Variants in PHACTR1 observed in about 807,000 individuals in gnomAD.
PHACTR1 encodes phosphatase and actin regulator 1, also known as RPEL repeat containing 1.
In PHACTR1, 16 loss-of-function variants were observed where a neutral mutation model predicts 69.2. The ratio of observed to expected loss-of-function variants is 0.23; its 90% CI spans 0.16 to 0.35. The LOEUF (loss-of-function observed/expected upper bound fraction) is 0.35. PHACTR1 is among the 10% of genes least tolerant of loss of function. The pLI is 1.00. For synonymous variants in PHACTR1, 312 were observed against 284.5 expected (o/e 1.10, Z -0.97); for missense variants, 510 against 734.7 (o/e 0.69, Z 3.54).
intron 4 of PHACTR1, among the ~76,000 whole-genome samples, chr6:13,014,883 G>C (rs1453791912): frequency 6.6e-6 from 1 of 152,242 alleles, no homozygotes; most frequent in Non-Finnish European, 1.5e-5. Context: ...CCGCCGGCGC[G>C]GACCAGGCAG....
At chr6:12,891,607 G>A (rs1444816983) in intron 4 of PHACTR1, among the ~76,000 whole-genome samples, 10 of 152,132 alleles carry the variant, frequency 6.6e-5, no homozygotes, top group Non-Finnish European at 1.2e-4. Context: ...AAGCCTTTAT[G>A]ATCCCCCTCC....
intron 4 of PHACTR1, among the ~76,000 whole-genome samples, chr6:12,759,122 CA>C (rs1229879368): frequency 0.13 from 6,717 of 51,614 alleles, 67 homozygotes; most frequent in African/African-American, 0.15. Context: ...GACTCCACCT[CA>C]AAAAAAAAAA....
chr6:12,948,981 G>T (rs560802246), intron 4 of PHACTR1, among the ~76,000 whole-genome samples: 1 of 152,220 alleles, frequency 6.6e-6, no homozygotes, highest in East Asian at 1.9e-4. Flanking sequence ...CAAAGAAATA[G>T]AAAAATGGGC....
intron 5 of PHACTR1, among the ~76,000 whole-genome samples, chr6:13,149,146 A>T (rs986136214): frequency 6.6e-6 from 1 of 152,100 alleles, no homozygotes; most frequent in South Asian, 2.1e-4. Flanking sequence ...GCCTTTTTAC[A>T]ACAGAACACC....
At chr6:13,116,912 G>A (rs909463443) in intron 5 of PHACTR1, among the ~76,000 whole-genome samples, 4 of 152,200 alleles carry the variant, frequency 2.6e-5, no homozygotes, top group African/African-American at 9.6e-5. Flanking sequence ...GACACTGCTA[G>A]TAGGTGGTAA....
intron 3 of PHACTR1, among the ~76,000 whole-genome samples, chr6:12,741,761 C>T (rs1202374045): frequency 8.9e-5 from 7 of 78,258 alleles, no homozygotes; most frequent in Non-Finnish European, 2.0e-4. Flanking sequence ...ATCTGCTTGT[C>T]AAACTCCAAA....
At chr6:12,834,782 A>G (rs533501253) in intron 4 of PHACTR1, among the ~76,000 whole-genome samples, 1 of 152,160 alleles carries the variant, frequency 6.6e-6, no homozygotes, top group Non-Finnish European at 1.5e-5. Flanking sequence ...TGTCTTCAGA[A>G]CACCATACAA....
In PHACTR1 at chr6:12,733,349, A is replaced by G. The variant is rs114483491; in HGVS notation, c.103+14502A>G. Among the ~76,000 whole-genome samples the G allele has an allele frequency of 4.7e-3, 722 of 152,316 alleles. 8 individuals are homozygous for G. The highest frequency in any genetic ancestry group is 0.017 in the African/African-American group (687 of 41,554). On this transcript the variant is annotated intron_variant, in intron 3 of 14. Transcript: ENST00000332995. ...CTAACATATAACAGAAACTATGCAT[A>G]TTTGTTTCATTTGAAACTACAAACC...
At chr6:12,859,926 C>T (rs147600559) in intron 4 of PHACTR1, among the ~76,000 whole-genome samples, 1 of 152,170 alleles carries the variant, frequency 6.6e-6, no homozygotes, top group Non-Finnish European at 1.5e-5. Flanking sequence ...GGCACCAACC[C>T]CACTAAGGTA....
chr6:12,768,336 A>T (rs963028281), intron 4 of PHACTR1, among the ~76,000 whole-genome samples: 1 of 151,964 alleles, frequency 6.6e-6, no homozygotes, highest in Non-Finnish European at 1.5e-5. Flanking sequence ...GGATGCTCTC[A>T]ATCTCCTGAC....
At chr6:13,176,169 T>C (rs1761292878) in intron 6 of PHACTR1, among the ~76,000 whole-genome samples, 1 of 152,206 alleles carries the variant, frequency 6.6e-6, no homozygotes, top group South Asian at 2.1e-4. Flanking sequence ...CAGCATGCAA[T>C]TTTTTTGTAT....
intron 4 of PHACTR1, among the ~76,000 whole-genome samples, chr6:12,926,986 A>G (rs779087000): frequency 4.6e-5 from 7 of 152,188 alleles, no homozygotes; most frequent in African/African-American, 7.2e-5. Flanking sequence ...AATCTAGTCA[A>G]TTGCTTAGGA....
At chr6:12,757,556 G>T (rs939075045) in intron 4 of PHACTR1, among the ~76,000 whole-genome samples, 1 of 152,114 alleles carries the variant, frequency 6.6e-6, no homozygotes, top group African/African-American at 2.4e-5. Flanking sequence ...GGCTATGAAC[G>T]GTGGTGGCTC....
Position 13,164,210 on chromosome 6 carries a change from A to G in PHACTR1, c.496+3926A>G, listed in dbSNP as rs77661214. Among the ~76,000 whole-genome samples, 335 of 152,188 alleles carry G rather than the reference A, an allele frequency of 2.2e-3. 5 individuals are homozygous for G. The East Asian group carries it at 0.041, about 19-fold the overall frequency. On this transcript the variant is annotated intron_variant, in intron 6 of 14. Transcript: ENST00000332995. The stretch of plus-strand genomic sequence containing the variant: ...TCATTTGTTCTTCCCTTTCTATAAT[A>G]TCATTCTTTTTCCTGTATCTGAGAT...
intron 6 of PHACTR1, among the ~76,000 whole-genome samples, chr6:13,164,753 G>T (rs1490665211): frequency 6.6e-6 from 1 of 152,196 alleles, no homozygotes; most frequent in Middle Eastern, 3.2e-3. Flanking sequence ...AAATTAATGA[G>T]GTTTTATTAC....
At chr6:12,879,807 T>G (rs1782903611) in intron 4 of PHACTR1, among the ~76,000 whole-genome samples, 2 of 152,206 alleles carry the variant, frequency 1.3e-5, no homozygotes, top group African/African-American at 2.4e-5. Flanking sequence ...CTTCATAACC[T>G]TTACTTCTCT....
chr6:12,856,615 G>A (rs1245280533), intron 4 of PHACTR1, among the ~76,000 whole-genome samples: 1 of 152,202 alleles, frequency 6.6e-6, no homozygotes, highest in Non-Finnish European at 1.5e-5. Flanking sequence ...GCAAATCTAT[G>A]ATCAACCAAA....
chr6:13,092,253 AGACCAGTC>A (rs1439223503), intron 5 of PHACTR1, among the ~76,000 whole-genome samples: 3 of 152,232 alleles, frequency 2.0e-5, no homozygotes, highest in Non-Finnish European at 4.4e-5. Context: ...AACAGGCCAC[AGACCAGTC>A]CTGGGGCCTG....
chr6:12,882,624 T>TAA (rs992671411), intron 4 of PHACTR1, among the ~76,000 whole-genome samples: 3 of 152,060 alleles, frequency 2.0e-5, no homozygotes, highest in Non-Finnish European at 1.5e-5. Flanking sequence ...GTTAAAATTT[T>TAA]AAAAAGTAAA....
Sources: gnomAD v4.1 joint callset for allele counts (sites outside exome capture counted in the v4.1 genomes callset) on GRCh38, gnomAD v4.1.1 for gene constraint, MANE v1.5 for transcripts, NCBI Gene and HGNC (gene_info 2026-07-23, HGNC 2026-07-21) for gene names.